The following SMC4 variants were observed in gnomAD, a reference collection of about 807,000 sequenced individuals.
SMC4 encodes structural maintenance of chromosomes 4.
A neutral mutation model predicts 145.6 loss-of-function variants in SMC4; 87 were observed. The observed-to-expected ratio is 0.60, with a 90% CI of 0.50 to 0.71. SMC4 has a LOEUF of 0.71. Among genes scored for constraint, SMC4 ranks in the 30% least tolerant of loss-of-function variants. The pLI is 0.00. For missense variants in SMC4, 1,447 were observed against 1,537.1 expected, an observed-to-expected ratio of 0.94 and a Z score of 0.98; for synonymous variants, 558 against 500.7, an observed-to-expected ratio of 1.11 and a Z score of -1.53.
intron 5 of SMC4, among the ~76,000 whole-genome samples, chr3:160,406,952 G>A (rs187581225): frequency 6.0e-4 from 91 of 152,102 alleles, no homozygotes; most frequent in Middle Eastern, 6.8e-3. Context: ...TTTTATAATC[G>A]TACATTTTCT....
intron 9 of SMC4, 34 bp downstream of exon 9, chr3:160,414,551 G>T (rs201732516): frequency 1.9e-6 from 3 of 1,576,656 alleles, no homozygotes; most frequent in South Asian, 2.3e-5. Context: ...AAAATTTCAC[G>T]TCTGAATATC....
intron 6 of SMC4, 87 bp downstream of exon 6, chr3:160,412,171 A>G (rs1716062636): frequency 6.8e-6 from 10 of 1,463,986 alleles, no homozygotes; most frequent in Non-Finnish European, 9.2e-6. Context: ...TCATGTTATA[A>G]TACTTAATGA....
In SMC4 at chr3:160,411,955, A is replaced by G. The variant is rs748067788; in HGVS notation, c.723A>G (p.Lys241=). Residue 241 remains lysine (K), a synonymous_variant, in exon 6 of 24, where the codon AAA becomes AAG. Transcript: ENST00000357388. ...AACAAATTGCTATGATGAAACCAAA[A>G]GGCCAGACTGAACACGATGAGGGTA... The part of the protein sequence containing the change: ...EVEQIAMMKP[K]GQTEHDEGML... 3.1e-6 allele frequency: 5 copies of G among 1,613,248 alleles called. No individual in the cohort carries two copies. In the East Asian group the frequency reaches 1.1e-4, roughly 36 times the overall value.
At chr3:160,428,335 T>C (rs748334713) in intron 17 of SMC4, among the ~76,000 whole-genome samples, 10 of 152,334 alleles carry the variant, frequency 6.6e-5, no homozygotes, top group Non-Finnish European at 1.3e-4. Flanking sequence ...TGTTTTAATG[T>C]GGAGAACTGC....
intron 18 of SMC4, 89 bp downstream of exon 18, chr3:160,429,031 TTC>T: frequency 9.0e-7 from 1 of 1,105,314 alleles, no homozygotes; most frequent in Non-Finnish European, 1.3e-6. Flanking sequence ...CATAAAATGT[TTC>T]TCTTACTGTT....
intron 5 of SMC4, among the ~76,000 whole-genome samples, chr3:160,405,630 A>G (rs897614791): frequency 1.3e-5 from 2 of 152,042 alleles, no homozygotes; most frequent in African/African-American, 4.8e-5. Flanking sequence ...AACCTTTTTT[A>G]ATATCTTTTG....
At chr3:160,430,536 G>C (rs1718287992) in intron 18 of SMC4, 63 bp from the exon 19 acceptor site, 3 of 1,372,362 alleles carry the variant, frequency 2.2e-6, no homozygotes, top group Non-Finnish European at 2.9e-6. Context: ...TTCTTTAGTA[G>C]GTTTTCAGAA....
At chr3:160,418,662 G>A (rs1428541174) in intron 11 of SMC4, among the ~76,000 whole-genome samples, 1 of 152,124 alleles carries the variant, frequency 6.6e-6, no homozygotes, top group African/African-American at 2.4e-5. Flanking sequence ...CCTGGGATTC[G>A]GTTTCTTTTG....
Position 160,425,019 on chromosome 3 carries a change from G to A in SMC4, c.2478G>A (p.Gln826=). ...NTLEKFTASI[Q]RLIEQEEYLN... is the part of the protein sequence containing the mutation. ...TAGAAAAATTTACTGCAAGCATCCA[G>A]GTATGTGTGTGTGTGTGTGTGTGTG... The change falls in exon 16 of 24, where the codon CAG becomes CAA. Residue 826 remains glutamine (Q), a splice_region_variant and synonymous_variant. Coordinates refer to ENST00000357388, the MANE Select transcript of SMC4 (RefSeq NM_001002800.3). 8.1e-7 allele frequency: 1 copy of A among 1,227,020 alleles called. No individual in the cohort carries two copies. Among genetic ancestry groups the A allele is most frequent in the Non-Finnish European group, 1.1e-6 (1 of 904,476 alleles). The allele number at this position is 1,227,020 out of a possible 1,614,324, so 76.0% of individuals were successfully genotyped here. A position where few individuals can be genotyped will look rare whatever the true frequency, so the allele number is the denominator to read the frequency against.
Position 160,409,265 on chromosome 3 carries a change from CAAAAAAAAAAAAA to C in SMC4, c.688-2640_688-2628del, listed in dbSNP as rs10547167. Among the ~76,000 whole-genome samples, 33 of 61,978 alleles carry C rather than the reference CAAAAAAAAAAAAA, an allele frequency of 5.3e-4. No homozygotes were observed. The East Asian group carries it at 0.017, about 31-fold the overall frequency. 40.7% of individuals were successfully genotyped at this position (61,978 alleles called of 152,430 possible). ...TGGGCGACAGAGCGAAACTCCGTCT[CAAAAAAAAAAAAA>C]AAAAAAAAAAAAAAGACTGAATGTT... On this transcript the variant is annotated intron_variant, in intron 5 of 23. Transcript: ENST00000357388.
At chr3:160,404,921 GT>G (rs1466197825) in intron 5 of SMC4, 1 of 341,332 alleles carries the variant, frequency 2.9e-6, no homozygotes, top group African/African-American at 2.2e-5. Context: ...CTTTTCCTTT[GT>G]TTTTGTTCTT....
intron 11 of SMC4, among the ~76,000 whole-genome samples, chr3:160,418,569 A>T (rs1261957230): frequency 6.6e-6 from 1 of 152,200 alleles, no homozygotes; most frequent in Non-Finnish European, 1.5e-5. Flanking sequence ...TAGTTAATGC[A>T]TGCTATTTGG....
chr3:160,419,602 A>G, intron 12 of SMC4, 59 bp downstream of exon 12: 14 of 1,503,608 alleles, frequency 9.3e-6, no homozygotes, highest in Non-Finnish European at 1.3e-5. Context: ...AGTGTAACTT[A>G]TTTTTTTGCC....
At chr3:160,423,896 G>A (rs1170542326) in intron 15 of SMC4, 56 bp downstream of exon 15, 8 of 1,442,486 alleles carry the variant, frequency 5.5e-6, no homozygotes, top group Non-Finnish European at 1.9e-6. Flanking sequence ...TAGCTTTACC[G>A]AGGTATATAC....
Position 160,411,949 on chromosome 3 carries a change from A to G in SMC4, c.717A>G (p.Lys239=). Residue 239 remains lysine (K), a synonymous_variant, in exon 6 of 24, where the codon AAA becomes AAG. Transcript: ENST00000357388. ...AAGTTGAACAAATTGCTATGATGAA[A>G]CCAAAAGGCCAGACTGAACACGATG... ...QGEVEQIAMM[K]PKGQTEHDEG... 1 of 1,613,290 alleles carries G rather than the reference A, an allele frequency of 6.2e-7. No homozygotes were observed. The highest frequency in any genetic ancestry group is 8.5e-7 in the Non-Finnish European group (1 of 1,179,588).
chr3:160,431,994 A>G (rs1280066522), intron 21 of SMC4, among the ~76,000 whole-genome samples, 169 bp downstream of exon 21: 1 of 152,230 alleles, frequency 6.6e-6, no homozygotes, highest in African/African-American at 2.4e-5. Context: ...CAAGGTCAGG[A>G]GTTCGAGACC....
chr3:160,417,668 G>A (rs1716730292), intron 10 of SMC4, 55 bp from the exon 11 acceptor site: 5 of 1,286,168 alleles, frequency 3.9e-6, no homozygotes, highest in Non-Finnish European at 5.6e-6. Flanking sequence ...TTTCATTTCA[G>A]TGTAGGTTTG....
In SMC4 at chr3:160,399,744, C is replaced by T. The variant is rs574471167; in HGVS notation, c.-11C>T. 6.6e-6 allele frequency: 1 copy of T among 152,662 alleles called. No homozygotes were observed. The highest frequency in any genetic ancestry group is 1.5e-5 in the Non-Finnish European group (1 of 68,124). The allele number at this position is 152,662 out of a possible 1,614,324, so 9.5% of individuals were successfully genotyped here. On this transcript the variant is annotated 5_prime_UTR_variant, in exon 1 of 24. Transcript: ENST00000357388. Reference sequence around the variant, plus strand: ...CCAGCCTTGGTCTGAGTGGACTGTCCTGCAGGTAAAGTACTTCTCTTCCTG... The same window carrying T: ...CCAGCCTTGGTCTGAGTGGACTGTCTTGCAGGTAAAGTACTTCTCTTCCTG...
At chr3:160,421,309 T>A (rs368964199) in intron 13 of SMC4, among the ~76,000 whole-genome samples, 7 of 152,342 alleles carry the variant, frequency 4.6e-5, no homozygotes, top group African/African-American at 1.7e-4. Flanking sequence ...AGTGAACACC[T>A]GATGGGTTTT....
Sources: gnomAD v4.1 joint callset for allele counts (sites outside exome capture counted in the v4.1 genomes callset) on GRCh38, gnomAD v4.1.1 for gene constraint, MANE v1.5 for transcripts, NCBI Gene and HGNC (gene_info 2026-07-23, HGNC 2026-07-21) for gene names.